Variants in INPP4B observed in about 807,000 individuals in gnomAD.
INPP4B encodes the protein inositol polyphosphate 4-phosphatase type II.
INPP4B carries 55 observed loss-of-function variants against 122.5 expected under a neutral mutation model. That is an observed-to-expected ratio of 0.45 (90% CI 0.36 to 0.56). INPP4B has a LOEUF of 0.56. INPP4B is among the 20% of genes least tolerant of loss of function. INPP4B has a pLI of 0.00. For synonymous variants in INPP4B, 403 were observed against 388.7 expected, an observed-to-expected ratio of 1.04 and a Z score of -0.43; for missense variants, 1,000 against 1,097.7, an observed-to-expected ratio of 0.91 and a Z score of 1.26.
At chr4:142,079,928 C>G (rs570541784) in intron 25 of INPP4B, among the ~76,000 whole-genome samples, 5 of 152,186 alleles carry the variant, frequency 3.3e-5, no homozygotes, top group Non-Finnish European at 5.9e-5. Flanking sequence ...TTATACTGCA[C>G]ATGGAAAATC....
At chr4:142,719,788 C>A (rs1034484359) in intron 2 of INPP4B, among the ~76,000 whole-genome samples, 2 of 151,952 alleles carry the variant, frequency 1.3e-5, no homozygotes, top group Non-Finnish European at 2.9e-5. Flanking sequence ...TGGCATCTAT[C>A]CAAAAGTTGA....
At chr4:142,130,186 G>T (rs905840597) in intron 18 of INPP4B, among the ~76,000 whole-genome samples, 1 of 152,184 alleles carries the variant, frequency 6.6e-6, no homozygotes, top group African/African-American at 2.4e-5. Flanking sequence ...AGGGAAGTCT[G>T]CCTGGACTGC....
At chr4:142,769,288 T>G (rs1295662708) in intron 1 of INPP4B, among the ~76,000 whole-genome samples, 1 of 152,122 alleles carries the variant, frequency 6.6e-6, no homozygotes, top group Non-Finnish European at 1.5e-5. Context: ...CTGCTCTACT[T>G]GTGTCCATTG....
At chr4:142,720,203 A>G (rs1764334733) in intron 2 of INPP4B, among the ~76,000 whole-genome samples, 1 of 152,104 alleles carries the variant, frequency 6.6e-6, no homozygotes, top group Non-Finnish European at 1.5e-5. Flanking sequence ...TTATGCCTGC[A>G]CTCCTACTCT....
intron 25 of INPP4B, chr4:142,029,686 A>G (rs1434894584): frequency 1.0e-5 from 10 of 985,826 alleles, no homozygotes; most frequent in Non-Finnish European, 1.2e-5. Flanking sequence ...AAAAATTTCT[A>G]TCAGCAGATG....
At chr4:142,066,860 G>A (rs1173559869) in intron 25 of INPP4B, among the ~76,000 whole-genome samples, 1 of 152,212 alleles carries the variant, frequency 6.6e-6, no homozygotes, top group Admixed American at 6.5e-5. Flanking sequence ...ACAGCTCAAG[G>A]AGGCCTGCCT....
chr4:142,433,247 C>T (rs917935030), intron 3 of INPP4B, among the ~76,000 whole-genome samples: 2 of 152,118 alleles, frequency 1.3e-5, no homozygotes, highest in Admixed American at 6.6e-5. Flanking sequence ...GTTATGATAA[C>T]ATACAGCAGT....
chr4:142,752,712 A>G (rs552124633), intron 1 of INPP4B, among the ~76,000 whole-genome samples: 8 of 152,206 alleles, frequency 5.3e-5, no homozygotes, highest in African/African-American at 1.9e-4. Context: ...CGTATTTTAC[A>G]TTATCAGTTA....
chr4:142,669,828 G>T lies in INPP4B; in HGVS notation c.-191+56011C>A, dbSNP rs189319864. Among the ~76,000 whole-genome samples the T allele has an allele frequency of 4.3e-4, 66 of 152,218 alleles. 1 individual carries two copies. In the East Asian group the frequency reaches 0.01, roughly 24 times the overall value. ...TAGCCATGGCTATTATCAAAAATAA[G>T]AAAGATAACAAGTGTTGGCCAGAAG... is the stretch of plus-strand genomic sequence containing the variant. On this transcript the variant is annotated intron_variant, in intron 2 of 25. Transcript: ENST00000262992.
At chr4:142,221,433 C>T (rs898963792) in intron 12 of INPP4B, among the ~76,000 whole-genome samples, 3 of 151,044 alleles carry the variant, frequency 2.0e-5, no homozygotes, top group Non-Finnish European at 4.4e-5. Context: ...AACACAATCC[C>T]TCTCCCACTA....
intron 12 of INPP4B, among the ~76,000 whole-genome samples, chr4:142,230,593 A>G (rs1276082276): frequency 2.1e-5 from 3 of 146,038 alleles, no homozygotes; most frequent in Non-Finnish European, 4.5e-5. Flanking sequence ...TGGTGAGCCG[A>G]GATCACACCA....
At chr4:142,426,512 A>G (rs1331609981) in intron 5 of INPP4B, 1 of 152,018 alleles carries the variant, frequency 6.6e-6, no homozygotes, top group Non-Finnish European at 1.5e-5. Flanking sequence ...TTTAAATGCA[A>G]TCAACCATTA....
In INPP4B at chr4:142,086,178, CT is replaced by C; in HGVS notation, c.2452del (p.Arg818GlufsTer4). 1.9e-6 allele frequency: 3 copies of C among 1,601,296 alleles called. No individual in the cohort carries two copies. Among genetic ancestry groups the C allele is most frequent in the Non-Finnish European group, 2.6e-6 (3 of 1,168,648 alleles). ...CAGCCACATAATTTCTACATTCTTT[CT>C]TTTTTTGGATTGGATATTTTGAAGG... The part of the protein sequence containing the change: ...NLLQNIQSKK[R>X]KNVEIMWLAA... On this transcript the variant is annotated frameshift_variant, in exon 24 of 26. Transcript: ENST00000262992. LOFTEE classifies it high-confidence loss of function.
rs1443729970 is a variant in INPP4B at position 142,314,807 on chromosome 4, G to A, written c.373-45C>T. 4.0e-6 allele frequency: 6 copies of A among 1,505,652 alleles called. No individual in the cohort carries two copies. In the African/African-American group the frequency reaches 4.2e-5, roughly 11 times the overall value. The allele number at this position is 1,505,652 out of a possible 1,614,324, so 93.3% of individuals were successfully genotyped here. ...CTGTAAGACTTTGGAGTAGAAACTA[G>A]TGCAGAAGCCTCGCACAGGTGCTGG... On this transcript the variant is annotated intron_variant, in intron 7 of 25. Transcript: ENST00000262992.
At chr4:142,356,305 G>C (rs1783592538) in intron 7 of INPP4B, among the ~76,000 whole-genome samples, 1 of 149,428 alleles carries the variant, frequency 6.7e-6, no homozygotes, top group Non-Finnish European at 1.5e-5. Flanking sequence ...ATAAGAAAGG[G>C]TAATTCAACT....
chr4:142,101,455 C>T lies in INPP4B; in HGVS notation c.2374+6638G>A, dbSNP rs187971905. Among the ~76,000 whole-genome samples the T allele has an allele frequency of 1.1e-3, 167 of 152,248 alleles. 3 individuals are homozygous for T. The highest frequency in any genetic ancestry group is 3.8e-4 in the Non-Finnish European group (26 of 68,000). On this transcript the variant is annotated intron_variant, in intron 23 of 25. Coordinates refer to ENST00000262992, the MANE Select transcript of INPP4B (RefSeq NM_001101669.3). The stretch of plus-strand genomic sequence containing the variant: ...TTAGATAAAATGTAGTGCAACTCTT[C>T]TCTCTGATATATGTACCAACTATAT...
chr4:142,634,019 A>G (rs1426397450), intron 2 of INPP4B, among the ~76,000 whole-genome samples: 1 of 151,016 alleles, frequency 6.6e-6, no homozygotes, highest in Non-Finnish European at 1.5e-5. Flanking sequence ...GAGTAAGACC[A>G]TGTCTCAGAT....
chr4:142,822,358 G>A (rs964223188), intron 1 of INPP4B, among the ~76,000 whole-genome samples: 3 of 152,116 alleles, frequency 2.0e-5, no homozygotes, highest in African/African-American at 7.2e-5. Context: ...TAAAGCAGGG[G>A]TTCCCAGCCC....
intron 2 of INPP4B, among the ~76,000 whole-genome samples, chr4:142,486,002 C>A (rs1821149228): frequency 6.6e-6 from 1 of 151,960 alleles, no homozygotes; most frequent in Admixed American, 6.6e-5. Flanking sequence ...CTGGGTCTGG[C>A]CTACAAAACC....
Sources: gnomAD v4.1 joint callset for allele counts (sites outside exome capture counted in the v4.1 genomes callset) on GRCh38, gnomAD v4.1.1 for gene constraint, MANE v1.5 for transcripts, NCBI Gene and HGNC (gene_info 2026-07-23, HGNC 2026-07-21) for gene names.